Variants in CHCHD3 observed in about 807,000 individuals in gnomAD.
The protein encoded by CHCHD3 is coiled-coil-helix-coiled-coil-helix domain containing 3.
In CHCHD3, 20 loss-of-function variants were observed where a neutral mutation model predicts 38.2. The observed-to-expected ratio is 0.52, with a 90% CI of 0.37 to 0.76. The LOEUF is 0.76. Among genes scored for constraint, CHCHD3 ranks in the 30% least tolerant of loss-of-function variants. The pLI, the probability that CHCHD3 is intolerant of heterozygous loss-of-function variation, is 0.00. For missense variants in CHCHD3, 245 were observed against 279.2 expected, an observed-to-expected ratio of 0.88 and a Z score of 0.87; for synonymous variants, 82 against 100.0, an observed-to-expected ratio of 0.82 and a Z score of 1.07.
chr7:133,054,623 G>A (rs1412280899), intron 2 of CHCHD3, among the ~76,000 whole-genome samples: 3 of 152,114 alleles, frequency 2.0e-5, no homozygotes, highest in Non-Finnish European at 2.9e-5. Context: ...ACCATGCAAT[G>A]GTGTTTAGTA....
intron 4 of CHCHD3, among the ~76,000 whole-genome samples, chr7:132,927,733 T>C (rs1041379327): frequency 1.1e-4 from 16 of 152,308 alleles, no homozygotes; most frequent in Non-Finnish European, 1.8e-4. Flanking sequence ...AGAACAGATT[T>C]CATAAGCACT....
intron 2 of CHCHD3, among the ~76,000 whole-genome samples, chr7:133,069,904 A>G (rs1814769297): frequency 6.6e-6 from 1 of 152,230 alleles, no homozygotes; most frequent in Non-Finnish European, 1.5e-5. Context: ...TCCAAAGCCT[A>G]GTAGAGGATT....
chr7:133,040,668 T>A (rs1813808357), intron 2 of CHCHD3, among the ~76,000 whole-genome samples: 1 of 152,220 alleles, frequency 6.6e-6, no homozygotes, highest in African/African-American at 2.4e-5. Context: ...TTGCTGTGGT[T>A]ACTTCCTCGG....
rs1290523752 is a variant in CHCHD3 at position 133,081,953 on chromosome 7, C to T, written c.-16G>A. ...TCCCACCCATGATTCCGGTTCCTGC[C>T]CCAGCGGAGACCTAGCGGGGAACCA... On this transcript the variant is annotated 5_prime_UTR_variant, in exon 1 of 8. Transcript: ENST00000262570. The T allele has an allele frequency of 6.5e-6, 10 of 1,536,716 alleles. No homozygotes were observed. The highest frequency in any genetic ancestry group is 7.0e-6 in the Non-Finnish European group (8 of 1,139,618).
chr7:132,909,418 G>T (rs1585627919), intron 4 of CHCHD3, among the ~76,000 whole-genome samples: 1 of 152,162 alleles, frequency 6.6e-6, no homozygotes. Flanking sequence ...TTGAACCCAG[G>T]AAGTGGAGGT....
At chr7:132,797,781 A>G (rs927795298) in intron 6 of CHCHD3, among the ~76,000 whole-genome samples, 1 of 152,152 alleles carries the variant, frequency 6.6e-6, no homozygotes, top group African/African-American at 2.4e-5. Context: ...ATGATAATGA[A>G]CCAAATGAGT....
intron 2 of CHCHD3, among the ~76,000 whole-genome samples, chr7:133,044,781 TCTGCAGGGCAGA>T (rs1813931084): frequency 6.6e-6 from 1 of 152,160 alleles, no homozygotes; most frequent in South Asian, 2.1e-4. Context: ...ACTGGATGGG[TCTGCAGGGCAGA>T]CTTGGGAGAG....
intron 5 of CHCHD3, among the ~76,000 whole-genome samples, chr7:132,853,479 G>A (rs190789400): frequency 1.3e-4 from 20 of 152,130 alleles, no homozygotes; most frequent in Admixed American, 6.5e-4. Context: ...AAAATTACCC[G>A]GGCATGGTGG....
At chr7:132,831,141 A>G (rs1172037724) in intron 6 of CHCHD3, among the ~76,000 whole-genome samples, 1 of 152,186 alleles carries the variant, frequency 6.6e-6, no homozygotes, top group African/African-American at 2.4e-5. Flanking sequence ...TATGAAGGAG[A>G]CATCTTTATA....
chr7:133,081,152 C>T lies in CHCHD3; in HGVS notation c.81+705G>A, dbSNP rs191635370. ...GTCAGAAATGACTACATTACTTCTA[C>T]TGGTATGAAAAACTGCAAACCCATC... On this transcript the variant is annotated intron_variant, in intron 1 of 7. Transcript: ENST00000262570. 1.9e-3 allele frequency among the ~76,000 whole-genome samples: 286 copies of T among 152,298 alleles called. 1 individual carries two copies. The highest frequency in any genetic ancestry group is 1.7e-3 in the South Asian group (8 of 4,822).
chr7:132,863,188 C>T (rs538017965), intron 5 of CHCHD3, among the ~76,000 whole-genome samples: 16 of 152,232 alleles, frequency 1.1e-4, no homozygotes, highest in South Asian at 6.2e-4. Context: ...CCTTATAATA[C>T]GTATTTCTTA....
chr7:132,888,449 T>A (rs542581463), intron 4 of CHCHD3, among the ~76,000 whole-genome samples: 65 of 151,946 alleles, frequency 4.3e-4, no homozygotes, highest in African/African-American at 1.5e-3. Context: ...ACATAAATTT[T>A]AAAAATGAAT....
intron 6 of CHCHD3, among the ~76,000 whole-genome samples, chr7:132,817,845 T>G (rs1807239327): frequency 6.6e-6 from 1 of 151,088 alleles, no homozygotes; most frequent in Admixed American, 6.6e-5. Context: ...TGAGCTATGA[T>G]CATGCCACTG....
chr7:132,809,064 C>T (rs1358175420), intron 6 of CHCHD3, among the ~76,000 whole-genome samples: 4 of 152,014 alleles, frequency 2.6e-5, no homozygotes, highest in Admixed American at 2.6e-4. Context: ...ATCCTCCCAC[C>T]TCAGCCTCCT....
intron 4 of CHCHD3, among the ~76,000 whole-genome samples, chr7:132,965,554 T>C (rs1440827567): frequency 6.6e-6 from 1 of 152,220 alleles, no homozygotes; most frequent in Non-Finnish European, 1.5e-5. Flanking sequence ...AGAATCACTT[T>C]GTGATGCCTT....
intron 4 of CHCHD3, among the ~76,000 whole-genome samples, chr7:132,898,131 C>A (rs967549471): frequency 1.3e-5 from 2 of 152,130 alleles, no homozygotes. Context: ...AGTGTTACAG[C>A]TCATAAAGGC....
At chr7:132,931,867 T>C (rs1259693852) in intron 4 of CHCHD3, among the ~76,000 whole-genome samples, 4 of 151,986 alleles carry the variant, frequency 2.6e-5, no homozygotes, top group African/African-American at 9.7e-5. Context: ...GCATTACTTC[T>C]GAAAAGAAGA....
At chr7:132,956,775 C>T (rs1811183850) in intron 4 of CHCHD3, among the ~76,000 whole-genome samples, 1 of 152,202 alleles carries the variant, frequency 6.6e-6, no homozygotes, top group Non-Finnish European at 1.5e-5. Flanking sequence ...CAGCATAAGA[C>T]ACCAGTTTCA....
At chr7:132,823,468 T>C (rs1471927205) in intron 6 of CHCHD3, among the ~76,000 whole-genome samples, 2 of 152,208 alleles carry the variant, frequency 1.3e-5, no homozygotes, top group Admixed American at 6.5e-5. Flanking sequence ...CAGTATCTTA[T>C]TGTACTCTGC....
Sources: allele counts gnomAD v4.1 joint callset (sites outside exome capture counted in the v4.1 genomes callset), GRCh38; gene constraint gnomAD v4.1.1; transcripts MANE v1.5; gene names NCBI Gene and HGNC (gene_info 2026-07-23, HGNC 2026-07-21).